CCSER1: variants seen among roughly 807,000 people sequenced by gnomAD.
CCSER1 encodes coiled-coil serine rich protein 1.
CCSER1 carries 41 observed loss-of-function variants against 82.0 expected under a neutral mutation model. That is an observed-to-expected ratio of 0.50 (90% CI 0.39 to 0.65). The LOEUF is 0.65. Among genes scored for constraint, CCSER1 ranks in the 30% least tolerant of loss-of-function variants. The pLI, the probability that CCSER1 is intolerant of heterozygous loss-of-function variation, is 0.00. For missense variants in CCSER1, 1,119 were observed against 1,064.2 expected, an observed-to-expected ratio of 1.05 and a Z score of -0.72; for synonymous variants, 414 against 383.9, an observed-to-expected ratio of 1.08 and a Z score of -0.92.
intron 10 of CCSER1, among the ~76,000 whole-genome samples, chr4:91,223,675 G>A (rs751854687): frequency 6.6e-6 from 1 of 152,176 alleles, no homozygotes; most frequent in Non-Finnish European, 1.5e-5. Context: ...AGGGCAAATG[G>A]TGGGAAGATT....
At chr4:90,704,226 C>T (rs1243156158) in intron 6 of CCSER1, among the ~76,000 whole-genome samples, 2 of 152,150 alleles carry the variant, frequency 1.3e-5, no homozygotes, top group Admixed American at 1.3e-4. Context: ...TTCTCCTTCA[C>T]TTATGAAGCT....
intron 9 of CCSER1, among the ~76,000 whole-genome samples, chr4:91,055,236 G>A (rs1317110284): frequency 1.3e-5 from 2 of 152,040 alleles, no homozygotes; most frequent in African/African-American, 2.4e-5. Context: ...TTAAAATTAT[G>A]CCATTTTAAT....
chr4:90,351,484 AGAAAT>A (rs1179145957), intron 3 of CCSER1, among the ~76,000 whole-genome samples: 1 of 152,226 alleles, frequency 6.6e-6, no homozygotes, highest in Non-Finnish European at 1.5e-5. Context: ...ATACACTTGA[AGAAAT>A]GAAGTAAATA....
chr4:91,061,447 A>G (rs1297530999), intron 9 of CCSER1, among the ~76,000 whole-genome samples: 1 of 152,012 alleles, frequency 6.6e-6, no homozygotes, highest in African/African-American at 2.4e-5. Context: ...TCTAGTCATT[A>G]GGCTGGGAAG....
chr4:90,425,460 A>G (rs946528726), intron 4 of CCSER1, among the ~76,000 whole-genome samples: 1 of 152,196 alleles, frequency 6.6e-6, no homozygotes. Context: ...AATTCAAGCA[A>G]TGTACATCTA....
At chr4:91,537,307 A>G (rs1463432611) in intron 10 of CCSER1, among the ~76,000 whole-genome samples, 3 of 152,082 alleles carry the variant, frequency 2.0e-5, no homozygotes, top group Non-Finnish European at 4.4e-5. Context: ...TAACCACCAT[A>G]CGGTGTTGTA....
At chr4:91,027,764 A>G (rs1453048800) in intron 9 of CCSER1, among the ~76,000 whole-genome samples, 1 of 152,054 alleles carries the variant, frequency 6.6e-6, no homozygotes, top group Non-Finnish European at 1.5e-5. Context: ...ATTGTATTAG[A>G]AGGAACCAGG....
chr4:91,158,321 G>A (rs547611075), intron 10 of CCSER1, among the ~76,000 whole-genome samples: 1 of 152,018 alleles, frequency 6.6e-6, no homozygotes, highest in Admixed American at 6.5e-5. Context: ...TGTTGGCATG[G>A]AGTGCCCTGC....
intron 8 of CCSER1, chr4:90,911,446 A>T (rs1698849762): frequency 2.6e-6 from 1 of 381,118 alleles, no homozygotes; most frequent in Non-Finnish European, 5.3e-6. Flanking sequence ...AGCAATCCCT[A>T]TGATTCTCTC....
intron 3 of CCSER1, among the ~76,000 whole-genome samples, chr4:90,360,546 G>C (rs757341732): frequency 1.4e-3 from 169 of 123,892 alleles, no homozygotes; most frequent in Non-Finnish European, 2.1e-3. Flanking sequence ...ACTGCACTCC[G>C]TCCAGCCTGG....
chr4:91,025,767 C>G (rs1214767514), intron 9 of CCSER1, among the ~76,000 whole-genome samples: 1 of 152,016 alleles, frequency 6.6e-6, no homozygotes, highest in Non-Finnish European at 1.5e-5. Flanking sequence ...GTTTTCTGTT[C>G]CTGGTAGGTA....
intron 10 of CCSER1, among the ~76,000 whole-genome samples, chr4:91,179,193 C>G (rs193295996): frequency 2.6e-5 from 4 of 152,188 alleles, no homozygotes; most frequent in Non-Finnish European, 5.9e-5. Flanking sequence ...ATTGGCTTCC[C>G]TTTGTGGGTA....
At chr4:90,848,865 A>G (rs763618992) in intron 8 of CCSER1, among the ~76,000 whole-genome samples, 1 of 152,226 alleles carries the variant, frequency 6.6e-6, no homozygotes, top group Non-Finnish European at 1.5e-5. Flanking sequence ...ATACTTACAT[A>G]TATCATTTAT....
chr4:90,735,959 T>G (rs1315262667), intron 7 of CCSER1, among the ~76,000 whole-genome samples: 1 of 152,138 alleles, frequency 6.6e-6, no homozygotes, highest in East Asian at 1.9e-4. Flanking sequence ...TTTTAATCAT[T>G]GAGCCACTGA....
At chr4:91,572,415 A>T (rs541345119) in intron 10 of CCSER1, among the ~76,000 whole-genome samples, 1 of 151,982 alleles carries the variant, frequency 6.6e-6, no homozygotes, top group Non-Finnish European at 1.5e-5. Flanking sequence ...TCAGGGACCC[A>T]CTTAAAAAAT....
chr4:90,546,454 G>A (rs1341210309), intron 5 of CCSER1, among the ~76,000 whole-genome samples: 1 of 152,150 alleles, frequency 6.6e-6, no homozygotes, highest in African/African-American at 2.4e-5. Flanking sequence ...AGGGATCAGA[G>A]ATATGCTCTG....
chr4:90,962,106 A>G (rs1028762364), intron 9 of CCSER1, among the ~76,000 whole-genome samples: 18 of 152,124 alleles, frequency 1.2e-4, no homozygotes. Flanking sequence ...ACTGAGATTT[A>G]GAAGTTCAGT....
In CCSER1 at chr4:90,655,273, T is replaced by C. The variant is rs913781802; in HGVS notation, c.1932+27041T>C. Among the ~76,000 whole-genome samples the C allele has an allele frequency of 2.6e-5, 4 of 152,136 alleles. No individual in the cohort carries two copies. In the East Asian group the frequency reaches 5.8e-4, roughly 22 times the overall value. On this transcript the variant is annotated intron_variant, in intron 6 of 10. Transcript: ENST00000509176. ...TAATAGGATCCCTCATATCAGCTGC[T>C]CTCTTTAAATTATCCTCCTGGTTTG...
At chr4:90,683,339 A>T (rs1734228702) in intron 6 of CCSER1, among the ~76,000 whole-genome samples, 1 of 152,046 alleles carries the variant, frequency 6.6e-6, no homozygotes, top group Admixed American at 6.6e-5. Flanking sequence ...AGTCATTGTA[A>T]ATATCCTGTC....
Sources: gnomAD v4.1 joint callset for allele counts (sites outside exome capture counted in the v4.1 genomes callset) on GRCh38, gnomAD v4.1.1 for gene constraint, MANE v1.5 for transcripts, NCBI Gene and HGNC (gene_info 2026-07-23, HGNC 2026-07-21) for gene names.